The following TSHZ2 variants were observed in gnomAD, a reference collection of about 807,000 sequenced individuals.
The protein encoded by TSHZ2 is teashirt homolog 2.
Under a neutral mutation model 74.4 loss-of-function variants are expected in TSHZ2, and 21 were observed. The ratio of observed to expected loss-of-function variants is 0.28; its 90% CI spans 0.20 to 0.41. The LOEUF (loss-of-function observed/expected upper bound fraction) is 0.41. TSHZ2 is among the 10% of genes least tolerant of loss of function. The probability of loss-of-function intolerance (pLI) is 1.00; values close to 1 mark genes in which losing one functional copy is unlikely to be tolerated. For missense variants in TSHZ2, 1,244 were observed against 1,293.5 expected (o/e 0.96, Z 0.59); for synonymous variants, 540 against 515.3 (o/e 1.05, Z -0.65).
At chr20:53,345,881 C>G (rs539943099) in intron 2 of TSHZ2, among the ~76,000 whole-genome samples, 10 of 152,132 alleles carry the variant, frequency 6.6e-5, no homozygotes, top group Admixed American at 6.5e-4. Context: ...CCCCGCTGAC[C>G]ACGAGGCACC....
rs1262014317 is a variant in TSHZ2, at chr20:53,488,242, T to A, written c.*1107T>A. 1 of 152,206 alleles carries A rather than the reference T, an allele frequency of 6.6e-6. No homozygotes were observed. The allele number at this position is 152,206 out of a possible 1,614,324, so 9.4% of individuals were successfully genotyped here. A position where few individuals can be genotyped will look rare whatever the true frequency, so the allele number is the denominator to read the frequency against. ...AATTAAGACATCCATTAAAAGCCCG[T>A]TAAAGTTAATTTAACGTAAAAATTC... On this transcript the variant is annotated 3_prime_UTR_variant, in exon 3 of 3. Transcript: ENST00000371497.
chr20:53,013,646 G>A (rs1982932689), intron 1 of TSHZ2, among the ~76,000 whole-genome samples: 1 of 152,120 alleles, frequency 6.6e-6, no homozygotes, highest in Admixed American at 6.6e-5. Context: ...TGGTCTAATA[G>A]GACCACATCT....
chr20:53,028,075 A>C (rs1983511245), intron 1 of TSHZ2, among the ~76,000 whole-genome samples: 1 of 152,218 alleles, frequency 6.6e-6, no homozygotes, highest in Non-Finnish European at 1.5e-5. Context: ...AAGAAGCAGC[A>C]TCTACAGAGT....
chr20:53,140,288 C>T (rs1390320181), intron 1 of TSHZ2, among the ~76,000 whole-genome samples: 1 of 151,940 alleles, frequency 6.6e-6, no homozygotes, highest in African/African-American at 2.4e-5. Context: ...CGCCTGTAAT[C>T]CCAGCACTTT....
intron 1 of TSHZ2, among the ~76,000 whole-genome samples, chr20:53,136,338 G>T (rs1435306107): frequency 6.6e-6 from 1 of 152,182 alleles, no homozygotes; most frequent in Non-Finnish European, 1.5e-5. Context: ...ATTGGTGCAT[G>T]CATTTACCAA....
Position 53,415,799 on chromosome 20 carries a change from TACACAC to T in TSHZ2, c.*9-71328_*9-71323del, listed in dbSNP as rs879670879. The stretch of plus-strand genomic sequence containing the variant: ...ATAAATGTATGTGTGTGTGTAGATA[TACACAC>T]ACACACACACACACACGCACACACA... On this transcript the variant is annotated intron_variant, in intron 2 of 2. Transcript: ENST00000371497. Among the ~76,000 whole-genome samples, 7 of 145,364 alleles carry T rather than the reference TACACAC, an allele frequency of 4.8e-5. 1 individual carries two copies. The highest frequency in any genetic ancestry group is 4.3e-4 in the South Asian group (2 of 4,654).
chr20:53,146,987 T>G (rs905063683), intron 1 of TSHZ2, among the ~76,000 whole-genome samples: 18 of 152,254 alleles, frequency 1.2e-4, no homozygotes, highest in African/African-American at 4.3e-4. Flanking sequence ...TTTGATGTTA[T>G]TTTTTCAGTT....
At chr20:53,237,716 G>C (rs763252271) in intron 1 of TSHZ2, among the ~76,000 whole-genome samples, 1 of 152,102 alleles carries the variant, frequency 6.6e-6, no homozygotes, top group Non-Finnish European at 1.5e-5. Context: ...TATATATTTA[G>C]AGACATTTTG....
intron 1 of TSHZ2, among the ~76,000 whole-genome samples, chr20:53,082,940 G>T (rs1396441698): frequency 6.6e-6 from 1 of 152,178 alleles, no homozygotes; most frequent in Admixed American, 6.5e-5. Context: ...GGTGCTCCTG[G>T]TTAGATGGAG....
At chr20:53,018,783 G>A (rs1983130976) in intron 1 of TSHZ2, among the ~76,000 whole-genome samples, 1 of 150,734 alleles carries the variant, frequency 6.6e-6, no homozygotes, top group South Asian at 2.1e-4. Flanking sequence ...CTTAATTCAG[G>A]ACACAACTCT....
intron 1 of TSHZ2, among the ~76,000 whole-genome samples, chr20:53,163,852 G>A (rs1181633961): frequency 6.6e-6 from 1 of 152,148 alleles, no homozygotes; most frequent in Admixed American, 6.5e-5. Context: ...GATAATAAAT[G>A]TTTGTTGTTG....
At chr20:53,424,501 T>A (rs1006344300) in intron 2 of TSHZ2, among the ~76,000 whole-genome samples, 1 of 152,182 alleles carries the variant, frequency 6.6e-6, no homozygotes, top group Non-Finnish European at 1.5e-5. Context: ...TGTAGCCATG[T>A]ATATATATAA....
chr20:53,465,966 T>TAA (rs557411643), intron 2 of TSHZ2, among the ~76,000 whole-genome samples: 44,057 of 131,868 alleles, frequency 0.33, 7,280 homozygotes, highest in Non-Finnish European at 0.37. Context: ...TCACAGTGGT[T>TAA]AAAAAAAAAA....
At chr20:53,159,348 T>TG (rs1021175793) in intron 1 of TSHZ2, among the ~76,000 whole-genome samples, 10 of 152,360 alleles carry the variant, frequency 6.6e-5, no homozygotes, top group African/African-American at 2.2e-4. Flanking sequence ...AAAGTTTTAT[T>TG]GGCACACAGC....
At chr20:53,216,102 C>T (rs986196477) in intron 1 of TSHZ2, among the ~76,000 whole-genome samples, 6 of 152,114 alleles carry the variant, frequency 3.9e-5, no homozygotes, top group Non-Finnish European at 7.4e-5. Context: ...AAAGGCACGA[C>T]CTTAGCTCTT....
At chr20:53,229,084 C>T (rs1006391587) in intron 1 of TSHZ2, among the ~76,000 whole-genome samples, 1 of 152,190 alleles carries the variant, frequency 6.6e-6, no homozygotes, top group Non-Finnish European at 1.5e-5. Flanking sequence ...AGAACAGGAG[C>T]ATTTTGTCTT....
At chr20:53,204,420 T>C (rs1989111976) in intron 1 of TSHZ2, among the ~76,000 whole-genome samples, 1 of 150,206 alleles carries the variant, frequency 6.7e-6, no homozygotes, top group Non-Finnish European at 1.5e-5. Flanking sequence ...GATGATATGA[T>C]ACTATTATAT....
intron 1 of TSHZ2, among the ~76,000 whole-genome samples, chr20:52,992,438 T>A (rs1255068947): frequency 6.6e-6 from 1 of 152,186 alleles, no homozygotes; most frequent in African/African-American, 2.4e-5. Context: ...AGGCTAGCAA[T>A]CGTAAGAAAA....
At chr20:53,224,885 G>A (rs533724698) in intron 1 of TSHZ2, among the ~76,000 whole-genome samples, 1 of 151,888 alleles carries the variant, frequency 6.6e-6, no homozygotes, top group East Asian at 1.9e-4. Context: ...TTAATAAATG[G>A]TTGTTATCAT....
Sources: allele counts gnomAD v4.1 joint callset (sites outside exome capture counted in the v4.1 genomes callset), GRCh38; gene constraint gnomAD v4.1.1; transcripts MANE v1.5; gene names NCBI Gene and HGNC (gene_info 2026-07-23, HGNC 2026-07-21).